C15orf40: variants seen among roughly 807,000 people sequenced by gnomAD.
The protein encoded by C15orf40 is UPF0235 protein C15orf40.
Under a neutral mutation model 13.9 loss-of-function variants are expected in C15orf40, and 9 were observed. The ratio of observed to expected loss-of-function variants is 0.65; its 90% CI spans 0.39 to 1.13. C15orf40 has a LOEUF of 1.13. C15orf40 is among the 50% of genes most tolerant of loss of function. The pLI, the probability that C15orf40 is intolerant of heterozygous loss-of-function variation, is 0.01. For synonymous variants in C15orf40, 95 were observed against 69.2 expected (o/e 1.37, Z -1.85); for missense variants, 225 against 188.5 (o/e 1.19, Z -1.13).
At chr15:83,011,240 C>T (rs2031991504) in intron 1 of C15orf40, 1 of 401,420 alleles carries the variant, frequency 2.5e-6, no homozygotes, top group East Asian at 4.0e-5. Flanking sequence ...TCAGCACACG[C>T]AGCCCAAGGA....
chr15:83,004,930 T>G lies in C15orf40; in HGVS notation c.*667A>C. 1 of 1,300,322 alleles carries G rather than the reference T, an allele frequency of 7.7e-7. No homozygotes were observed. Among genetic ancestry groups the G allele is most frequent in the Non-Finnish European group, 1.0e-6 (1 of 984,526 alleles). 80.5% of individuals were successfully genotyped at this position (1,300,322 alleles called of 1,614,324 possible). A position where few individuals can be genotyped will look rare whatever the true frequency, so the allele number is the denominator to read the frequency against. ...AGTAGTCCAAGGATTTGGGTTCTAG[T>G]TGCCAGCTTGCATGGTACAATCTTG... On this transcript the variant is annotated 3_prime_UTR_variant, in exon 4 of 4. Transcript: ENST00000304177.
downstream of C15orf40, among the ~76,000 whole-genome samples, chr15:82,992,699 G>A (rs12903275): frequency 9.9e-4 from 150 of 152,270 alleles, no homozygotes; most frequent in Admixed American, 2.4e-3. Context: ...AAGCTCAGAA[G>A]AGAGGTGGTT....
At chr15:83,005,762 C>G in intron 3 of C15orf40, 70 bp from the exon 4 acceptor site, 3 of 1,524,820 alleles carry the variant, frequency 2.0e-6, no homozygotes, top group Non-Finnish European at 1.8e-6. Context: ...TAGCAGACCT[C>G]CGTTGTATAA....
rs1397145636 is a variant in C15orf40, at chr15:83,003,593, GCA to G, written c.*2002_*2003del. On this transcript the variant is annotated 3_prime_UTR_variant, in exon 4 of 4. Transcript: ENST00000304177. ...GAAGCACATTTGCAGGCAGTATATG[GCA>G]CAGTTTAGAAGACAAAGCAGCTGGG... 2 of 152,182 alleles carry G rather than the reference GCA, an allele frequency of 1.3e-5. No homozygotes were observed. The allele number at this position is 152,182 out of a possible 1,614,324, so 9.4% of individuals were successfully genotyped here. A position where few individuals can be genotyped will look rare whatever the true frequency, so the allele number is the denominator to read the frequency against.
rs958010283 is a variant in C15orf40, at chr15:82,994,886, ATTGAT to A, written c.*10706_*10710del. The A allele has an allele frequency of 2.6e-5, 4 of 152,350 alleles. No individual in the cohort carries two copies. The highest frequency in any genetic ancestry group is 2.0e-4 in the Admixed American group (3 of 15,292). The allele number at this position is 152,350 out of a possible 1,614,324, so 9.4% of individuals were successfully genotyped here. ...GCTTTTAAAACTCTCAAATTTTAAA[ATTGAT>A]TTAAGCCCAGTAGCAGAAAATACTC... is the stretch of plus-strand genomic sequence containing the variant. On this transcript the variant is annotated 3_prime_UTR_variant, in exon 4 of 4. Coordinates refer to ENST00000304177, the MANE Select transcript of C15orf40 (RefSeq NM_144597.3).
At chr15:83,006,757 A>T (rs1209323779) in intron 3 of C15orf40, among the ~76,000 whole-genome samples, 1 of 152,228 alleles carries the variant, frequency 6.6e-6, no homozygotes, top group African/African-American at 2.4e-5. Flanking sequence ...CAAGAGCGAA[A>T]ACACCGTCCC....
intron 3 of C15orf40, chr15:83,008,288 G>A (rs976203054): frequency 5.1e-6 from 2 of 393,154 alleles, no homozygotes; most frequent in Admixed American, 7.5e-5. Context: ...GGAGGAGAAG[G>A]CAGGTGGATC....
chr15:82,990,229 C>T (rs965674211), downstream of C15orf40: 13 of 299,218 alleles, frequency 4.3e-5, no homozygotes, highest in African/African-American at 2.0e-4. Flanking sequence ...TTGCGAAATG[C>T]GATGGTTGCT....
rs1317148019 is a variant in C15orf40, at chr15:82,999,631, G to A, written c.*5966C>T. ...CTAAAGGCTAGCTAGCATTTCTGTT[G>A]ACTTGACTCACTCCCTTATTGTCCA... is the stretch of plus-strand genomic sequence containing the variant. On this transcript the variant is annotated 3_prime_UTR_variant, in exon 4 of 4. Coordinates refer to ENST00000304177, the MANE Select transcript of C15orf40 (RefSeq NM_144597.3). 1 of 152,212 alleles carries A rather than the reference G, an allele frequency of 6.6e-6. No homozygotes were observed. The highest frequency in any genetic ancestry group is 1.9e-4 in the East Asian group (1 of 5,194). 9.4% of individuals were successfully genotyped at this position (152,212 alleles called of 1,614,324 possible). A position where few individuals can be genotyped will look rare whatever the true frequency, so the allele number is the denominator to read the frequency against.
Position 83,005,759 on chromosome 15 carries a change from C to T in C15orf40, c.367-67G>A. The stretch of plus-strand genomic sequence containing the variant: ...TTCTAATGCTATTAGAGATAGCAGA[C>T]CTCCGTTGTATAATGGGCTCTCCTG... On this transcript the variant is annotated intron_variant, in intron 3 of 3. Coordinates refer to ENST00000304177, the MANE Select transcript of C15orf40 (RefSeq NM_144597.3). 2.0e-6 allele frequency: 3 copies of T among 1,531,922 alleles called. No homozygotes were observed. In the South Asian group the frequency reaches 3.7e-5, roughly 19 times the overall value. The allele number at this position is 1,531,922 out of a possible 1,614,324, so 94.9% of individuals were successfully genotyped here.
Position 83,011,616 on chromosome 15 carries a change from G to A in C15orf40, c.-9C>T, listed in dbSNP as rs750640259. 4 of 1,567,006 alleles carry A rather than the reference G, an allele frequency of 2.6e-6. No individual in the cohort carries two copies. Among genetic ancestry groups the A allele is most frequent in the East Asian group, 2.4e-5 (1 of 42,490 alleles). On this transcript the variant is annotated 5_prime_UTR_variant, in exon 1 of 4. Coordinates refer to ENST00000304177, the MANE Select transcript of C15orf40 (RefSeq NM_144597.3). ...CTGCGGAGCCGCAGCATCCCCGCCT[G>A]GGAAGGCGCCGGAAGAGCCCTCTGC...
rs1421483185 is a variant in C15orf40, at chr15:83,008,546, A to G, written c.366+2T>C. 6.2e-7 allele frequency: 1 copy of G among 1,612,718 alleles called. No individual in the cohort carries two copies. Among genetic ancestry groups the G allele is most frequent in the Non-Finnish European group, 8.5e-7 (1 of 1,179,668 alleles). On this transcript the variant is annotated splice_donor_variant, in intron 3 of 3. Transcript: ENST00000304177. LOFTEE classifies it high-confidence loss of function. ...AAAAAAAAAAAAGAGAGCGAGACCT[A>G]CCTTATCCAAAACCACATCACTCTT...
chr15:83,011,468 C>T lies in C15orf40; in HGVS notation c.111+29G>A, dbSNP rs755606619. 6 of 1,586,220 alleles carry T rather than the reference C, an allele frequency of 3.8e-6. No homozygotes were observed. The highest frequency in any genetic ancestry group is 8.6e-7 in the Non-Finnish European group (1 of 1,167,738). The stretch of plus-strand genomic sequence containing the variant: ...TCAACAAGTACCCCTGAGGCCCACC[C>T]CTCTGCCGCCACGGGACCTGCTACT... On this transcript the variant is annotated intron_variant, in intron 1 of 3. Transcript: ENST00000304177.
rs752372955 is a variant in C15orf40, at chr15:83,011,619, A to G, written c.-12T>C. On this transcript the variant is annotated 5_prime_UTR_variant, in exon 1 of 4. Transcript: ENST00000304177. Reference sequence around the variant, plus strand: ...CGGAGCCGCAGCATCCCCGCCTGGGAAGGCGCCGGAAGAGCCCTCTGCGCT... The same window carrying G: ...CGGAGCCGCAGCATCCCCGCCTGGGGAGGCGCCGGAAGAGCCCTCTGCGCT... 6.4e-7 allele frequency: 1 copy of G among 1,558,184 alleles called. No homozygotes were observed. Among genetic ancestry groups the G allele is most frequent in the South Asian group, 1.1e-5 (1 of 87,994 alleles).
chr15:83,010,871 G>A (rs1189452345), intron 1 of C15orf40: 1 of 157,376 alleles, frequency 6.4e-6, no homozygotes, highest in African/African-American at 2.4e-5. Flanking sequence ...AAAGGTACAT[G>A]GTCCTTGCTC....
At position 83,003,816 on chromosome 15, in the gene C15orf40, G is replaced by A. The variant is rs2031531971; in HGVS notation, c.*1781C>T. On this transcript the variant is annotated 3_prime_UTR_variant, in exon 4 of 4. Transcript: ENST00000304177. ...AGGCTGGAGTGCAGTGGCACCGTGT[G>A]GGCTCACTGCAACTTCCGTCTCCTG... The A allele has an allele frequency of 6.6e-6, 1 of 152,028 alleles. No individual in the cohort carries two copies. The highest frequency in any genetic ancestry group is 1.5e-5 in the Non-Finnish European group (1 of 68,018). 9.4% of individuals were successfully genotyped at this position (152,028 alleles called of 1,614,324 possible). A position where few individuals can be genotyped will look rare whatever the true frequency, so the allele number is the denominator to read the frequency against.
At chr15:82,990,106 GT>G, downstream of C15orf40, 2 of 954,018 alleles carry the variant, frequency 2.1e-6, no homozygotes, top group Non-Finnish European at 2.9e-6. Context: ...CATTTACTCT[GT>G]TACCATGAGA....
chr15:83,006,926 G>T (rs2031717990), intron 3 of C15orf40, among the ~76,000 whole-genome samples: 1 of 152,224 alleles, frequency 6.6e-6, no homozygotes. Flanking sequence ...AATCAGAAAT[G>T]ACCTGCCACA....
downstream of C15orf40, chr15:82,989,825 CAT>C (rs1003044557): frequency 5.7e-6 from 9 of 1,591,168 alleles, no homozygotes; most frequent in African/African-American, 2.7e-5. Flanking sequence ...ATGGGTTTGT[CAT>C]ATGTTTTTTT....
Sources: allele counts gnomAD v4.1 joint callset (sites outside exome capture counted in the v4.1 genomes callset), GRCh38; gene constraint gnomAD v4.1.1; transcripts MANE v1.5; gene names NCBI Gene and HGNC (gene_info 2026-07-23, HGNC 2026-07-21).